FGF2: variants seen among roughly 807,000 people sequenced by gnomAD.
FGF2 encodes basic fibroblast growth factor bFGF.
Under a neutral mutation model 15.9 loss-of-function variants are expected in FGF2, and 13 were observed. The observed-to-expected ratio is 0.82, with a 90% CI of 0.53 to 1.30. The LOEUF (loss-of-function observed/expected upper bound fraction) is 1.30. Among genes scored for constraint, FGF2 ranks in the 50% most tolerant of loss-of-function variants. The pLI, the probability that FGF2 is intolerant of heterozygous loss-of-function variation, is 0.00. For synonymous variants in FGF2, 90 were observed against 78.4 expected, an observed-to-expected ratio of 1.15 and a Z score of -0.78; for missense variants, 163 against 196.9, an observed-to-expected ratio of 0.83 and a Z score of 1.03.
intron 1 of FGF2, among the ~76,000 whole-genome samples, chr4:122,853,590 T>A (rs556667895): frequency 2.0e-5 from 3 of 152,244 alleles, no homozygotes; most frequent in African/African-American, 7.2e-5. Flanking sequence ...GAGTTAGAAA[T>A]TAGATCCCCT....
At chr4:122,866,231 G>A (rs1409849187) in intron 1 of FGF2, among the ~76,000 whole-genome samples, 1 of 152,168 alleles carries the variant, frequency 6.6e-6, no homozygotes, top group African/African-American at 2.4e-5. Flanking sequence ...AGCCGGGCGT[G>A]GTGGCGGGCG....
intron 2 of FGF2, among the ~76,000 whole-genome samples, chr4:122,880,823 A>T (rs971729583): frequency 1.3e-5 from 2 of 152,088 alleles, no homozygotes; most frequent in Non-Finnish European, 2.9e-5. Flanking sequence ...GTGCTGCAAT[A>T]GGGACTCTGT....
At chr4:122,862,973 A>G (rs1041185203) in intron 1 of FGF2, among the ~76,000 whole-genome samples, 21 of 152,230 alleles carry the variant, frequency 1.4e-4, no homozygotes, top group African/African-American at 4.8e-4. Context: ...GGGTTAAGTC[A>G]GTGTCTAAAG....
intron 2 of FGF2, among the ~76,000 whole-genome samples, chr4:122,880,709 T>C (rs1726944714): frequency 6.6e-6 from 1 of 152,172 alleles, no homozygotes; most frequent in African/African-American, 2.4e-5. Flanking sequence ...CAGGCTGGCA[T>C]TGAGTGTCTG....
rs776049778 is a variant in FGF2 at position 122,892,263 on chromosome 4, A to G, written c.335A>G (p.Tyr112Cys). Residue 112 changes from tyrosine to cysteine, a missense_variant, in exon 3 of 3, where the codon TAC (tyrosine) becomes TGC (cysteine). Physicochemically the swap from Tyr to Cys is radical, Grantham distance 194. Coordinates refer to ENST00000644866, the MANE Select transcript of FGF2 (RefSeq NM_001361665.2). ...FFFERLESNN[Y>C]NTYRSRKYTS... Reference sequence around the variant, plus strand: ...TTTGAACGATTGGAATCTAATAACTACAATACTTACCGGTCAAGGAAATAC... The same window carrying G: ...TTTGAACGATTGGAATCTAATAACTGCAATACTTACCGGTCAAGGAAATAC... 5 of 1,613,768 alleles carry G rather than the reference A, an allele frequency of 3.1e-6. No homozygotes were observed. Among genetic ancestry groups the G allele is most frequent in the Non-Finnish European group, 4.2e-6 (5 of 1,179,652 alleles).
chr4:122,866,764 C>T (rs957419612), intron 1 of FGF2, among the ~76,000 whole-genome samples: 2 of 152,166 alleles, frequency 1.3e-5, no homozygotes, highest in Non-Finnish European at 2.9e-5. Flanking sequence ...CATTGGAAAA[C>T]AGTCTGACAG....
Position 122,892,411 on chromosome 4 carries a change from T to G in FGF2, c.*15T>G. The G allele has an allele frequency of 6.2e-7, 1 of 1,612,964 alleles. No individual in the cohort carries two copies. Among genetic ancestry groups the G allele is most frequent in the East Asian group, 2.2e-5 (1 of 44,860 alleles). Reference sequence around the variant, plus strand: ...CTAAGAGCTGATTTTAATGGCCACATCTAATCTCATTTCACATGAAAGAAG... The same window carrying G: ...CTAAGAGCTGATTTTAATGGCCACAGCTAATCTCATTTCACATGAAAGAAG... On this transcript the variant is annotated 3_prime_UTR_variant, in exon 3 of 3. Transcript: ENST00000644866.
At chr4:122,866,861 AC>A (rs1213053402) in intron 1 of FGF2, among the ~76,000 whole-genome samples, 1 of 152,236 alleles carries the variant, frequency 6.6e-6, no homozygotes, top group Non-Finnish European at 1.5e-5. Flanking sequence ...AAACATGTCT[AC>A]ACAAAATCTT....
chr4:122,886,581 T>C (rs57859522), intron 2 of FGF2, among the ~76,000 whole-genome samples: 1 of 152,202 alleles, frequency 6.6e-6, no homozygotes. Flanking sequence ...TTTATATCAA[T>C]ATGTATTCAC....
intron 2 of FGF2, 43 bp downstream of exon 2, chr4:122,876,467 A>T: frequency 8.7e-7 from 1 of 1,152,228 alleles, no homozygotes; most frequent in Non-Finnish European, 1.3e-6. Flanking sequence ...GTTAGCTTTT[A>T]TTGCTGTTAA....
rs1727372788 is a variant in FGF2 at position 122,896,854 on chromosome 4, A to G, written c.*4458A>G. On this transcript the variant is annotated 3_prime_UTR_variant, in exon 3 of 3. Transcript: ENST00000644866. The stretch of plus-strand genomic sequence containing the variant: ...AAATAGAATAGGGGACATGCATATT[A>G]AGGAAAAGGTCATGGAGAAATAATA... The G allele has an allele frequency of 6.6e-6, 1 of 152,190 alleles. No individual in the cohort carries two copies. The highest frequency in any genetic ancestry group is 6.5e-5 in the Admixed American group (1 of 15,278). The allele number at this position is 152,190 out of a possible 1,614,324, so 9.4% of individuals were successfully genotyped here.
chr4:122,870,556 CG>C (rs1560751629), intron 1 of FGF2, among the ~76,000 whole-genome samples: 1 of 151,788 alleles, frequency 6.6e-6, no homozygotes, highest in Non-Finnish European at 1.5e-5. Context: ...AGCCTTGGGA[CG>C]GTGTATGTGT....
intron 1 of FGF2, among the ~76,000 whole-genome samples, chr4:122,865,277 T>TTTTG (rs201519315): frequency 0.021 from 3,248 of 151,738 alleles, 59 homozygotes; most frequent in Non-Finnish European, 0.035. Context: ...CTCTGTTTTT[T>TTTTG]TTTGTTTGTT....
chr4:122,872,826 G>A (rs1014071529), intron 1 of FGF2, among the ~76,000 whole-genome samples: 2 of 152,202 alleles, frequency 1.3e-5, no homozygotes, highest in Non-Finnish European at 2.9e-5. Flanking sequence ...AGCAGATGCT[G>A]AGGGATTTTG....
intron 1 of FGF2, among the ~76,000 whole-genome samples, chr4:122,837,049 C>T (rs1435365659): frequency 6.6e-6 from 1 of 152,168 alleles, no homozygotes; most frequent in Non-Finnish European, 1.5e-5. Flanking sequence ...ACCAGTGAAT[C>T]ATTGTAAAAG....
chr4:122,882,525 A>C (rs1035211072), intron 2 of FGF2: 1 of 152,230 alleles, frequency 6.6e-6, no homozygotes, highest in African/African-American at 2.4e-5. Flanking sequence ...GGAACTTGTG[A>C]AAGTTAGTCT....
At chr4:122,859,920 A>G (rs1471713756) in intron 1 of FGF2, among the ~76,000 whole-genome samples, 1 of 152,152 alleles carries the variant, frequency 6.6e-6, no homozygotes, top group Non-Finnish European at 1.5e-5. Context: ...TTTCAGTTTT[A>G]TATTACCTGT....
intron 1 of FGF2, among the ~76,000 whole-genome samples, chr4:122,864,663 AT>A (rs1218240103): frequency 6.6e-6 from 1 of 152,072 alleles, no homozygotes; most frequent in Admixed American, 6.5e-5. Flanking sequence ...GAATGTGCGT[AT>A]TTTCAGTCAT....
intron 1 of FGF2, among the ~76,000 whole-genome samples, chr4:122,872,408 C>G (rs187820768): frequency 6.6e-6 from 1 of 152,016 alleles, no homozygotes. Flanking sequence ...ATTGGAGTAC[C>G]AGAAGAAGAC....
Sources: gnomAD v4.1 joint callset for allele counts (sites outside exome capture counted in the v4.1 genomes callset) on GRCh38, gnomAD v4.1.1 for gene constraint, MANE v1.5 for transcripts, NCBI Gene and HGNC (gene_info 2026-07-23, HGNC 2026-07-21) for gene names.